Variants in TRPM3 observed in about 807,000 individuals in gnomAD.
TRPM3 encodes the protein transient receptor potential cation channel subfamily M member 3, also known as long transient receptor potential channel 3.
TRPM3 carries 77 observed loss-of-function variants against 181.2 expected under a neutral mutation model. The observed-to-expected ratio is 0.42, with a 90% CI of 0.35 to 0.51. The LOEUF (loss-of-function observed/expected upper bound fraction) is 0.51, where lower values mean the gene tolerates loss of function less well. Ranked by LOEUF, TRPM3 falls within the 20% of genes least tolerant of loss-of-function variation. The probability of loss-of-function intolerance (pLI) is 0.01; values close to 1 mark genes in which losing one functional copy is unlikely to be tolerated. For synonymous variants in TRPM3, 745 were observed against 796.4 expected (o/e 0.94, Z 1.09); for missense variants, 1,759 against 2,196.7 (o/e 0.80, Z 3.98).
intron 25 of TRPM3, among the ~76,000 whole-genome samples, chr9:70,545,410 T>C (rs1456628309): frequency 6.6e-6 from 1 of 152,200 alleles, no homozygotes; most frequent in Non-Finnish European, 1.5e-5. Flanking sequence ...TAGTAGATGA[T>C]CTGCTGGAAA....
chr9:71,336,573 A>C (rs2090570324), intron 1 of TRPM3, among the ~76,000 whole-genome samples: 1 of 152,172 alleles, frequency 6.6e-6, no homozygotes, highest in Non-Finnish European at 1.5e-5. Context: ...GCTACCACTG[A>C]CTTTCTTCAC....
intron 1 of TRPM3, among the ~76,000 whole-genome samples, chr9:71,058,840 G>T (rs1454097281): frequency 1.3e-5 from 2 of 151,856 alleles, no homozygotes; most frequent in East Asian, 3.9e-4. Flanking sequence ...CACCATGGTA[G>T]TCACTCAGAT....
intron 7 of TRPM3, among the ~76,000 whole-genome samples, chr9:70,763,129 C>T (rs2078450599): frequency 6.6e-6 from 1 of 152,020 alleles, no homozygotes; most frequent in Non-Finnish European, 1.5e-5. Flanking sequence ...AGGACTATAC[C>T]AACGATCCTG....
intron 1 of TRPM3, among the ~76,000 whole-genome samples, chr9:70,993,560 A>G (rs2097509894): frequency 6.6e-6 from 1 of 152,110 alleles, no homozygotes; most frequent in African/African-American, 2.4e-5. Flanking sequence ...AGTTTAAAAT[A>G]CCGATTAGCC....
intron 1 of TRPM3, among the ~76,000 whole-genome samples, chr9:71,336,583 C>A (rs1396501384): frequency 6.6e-6 from 1 of 152,120 alleles, no homozygotes; most frequent in Non-Finnish European, 1.5e-5. Context: ...ACTTTCTTCA[C>A]TGAATTAGAA....
At position 70,784,093 on chromosome 9, in the gene TRPM3, A is replaced by C. The variant is rs776452796; in HGVS notation, c.1148+12T>G. On this transcript the variant is annotated intron_variant, in intron 7 of 25. Transcript: ENST00000677713. ...TTTAGGGTTCTTCCATGGGGCCTGGAAAGTTACCTACCCGCCTTCTTCTGA... is the reference window on the plus strand; with the variant it reads ...TTTAGGGTTCTTCCATGGGGCCTGGCAAGTTACCTACCCGCCTTCTTCTGA... The C allele has an allele frequency of 6.2e-7, 1 of 1,610,878 alleles. No individual in the cohort carries two copies.
intron 25 of TRPM3, among the ~76,000 whole-genome samples, chr9:70,548,930 T>C (rs2045773877): frequency 6.6e-6 from 1 of 152,168 alleles, no homozygotes; most frequent in Non-Finnish European, 1.5e-5. Flanking sequence ...CTGCTGGCTA[T>C]ACTATTTGGC....
chr9:71,137,995 T>A (rs1565265923), intron 1 of TRPM3, among the ~76,000 whole-genome samples: 1 of 151,914 alleles, frequency 6.6e-6, no homozygotes, highest in Non-Finnish European at 1.5e-5. Flanking sequence ...GCGCCTGTAA[T>A]CCCAGCTACT....
chr9:70,769,068 T>G (rs2079693020), intron 7 of TRPM3, among the ~76,000 whole-genome samples: 2 of 152,198 alleles, frequency 1.3e-5, no homozygotes, highest in South Asian at 4.1e-4. Flanking sequence ...CTCCAGTCCA[T>G]TTCCCAGTGT....
At chr9:71,353,946 G>C (rs982212540) in intron 1 of TRPM3, among the ~76,000 whole-genome samples, 1 of 152,160 alleles carries the variant, frequency 6.6e-6, no homozygotes, top group Non-Finnish European at 1.5e-5. Context: ...TGGTGACAAA[G>C]CTTGGCCTAG....
intron 9 of TRPM3, among the ~76,000 whole-genome samples, chr9:70,666,904 T>G (rs2061922623): frequency 6.6e-6 from 1 of 152,188 alleles, no homozygotes; most frequent in African/African-American, 2.4e-5. Context: ...AATTATTCCC[T>G]TAATTTTGTA....
chr9:71,165,916 A>G (rs1045524759), intron 1 of TRPM3, among the ~76,000 whole-genome samples: 1 of 152,156 alleles, frequency 6.6e-6, no homozygotes, highest in Admixed American at 6.6e-5. Context: ...CCATTCGAAG[A>G]TAGAGTTGTC....
At chr9:70,812,124 C>A (rs938079110) in intron 6 of TRPM3, among the ~76,000 whole-genome samples, 6 of 152,192 alleles carry the variant, frequency 3.9e-5, no homozygotes, top group African/African-American at 1.4e-4. Flanking sequence ...ATGAACAGCT[C>A]TGCTCTGCCT....
At chr9:71,358,055 A>G (rs764404984) in intron 1 of TRPM3, among the ~76,000 whole-genome samples, 1 of 152,148 alleles carries the variant, frequency 6.6e-6, no homozygotes, top group Non-Finnish European at 1.5e-5. Context: ...TATTTATTGT[A>G]TTTTAAGAGA....
At chr9:71,281,754 T>G (rs2084723219) in intron 1 of TRPM3, among the ~76,000 whole-genome samples, 1 of 152,118 alleles carries the variant, frequency 6.6e-6, no homozygotes, top group Admixed American at 6.5e-5. Context: ...TCAACAATGG[T>G]AAGGTACTGT....
At chr9:71,441,957 G>A (rs184383208) in intron 1 of TRPM3, among the ~76,000 whole-genome samples, 3 of 152,148 alleles carry the variant, frequency 2.0e-5, no homozygotes, top group African/African-American at 4.8e-5. Flanking sequence ...AGACCTTAAA[G>A]AATTCGCTTT....
At chr9:71,082,972 T>C (rs1282104896) in intron 1 of TRPM3, among the ~76,000 whole-genome samples, 2 of 152,104 alleles carry the variant, frequency 1.3e-5, no homozygotes, top group Admixed American at 6.6e-5. Context: ...TAGAGATTGA[T>C]ATGGAGATTT....
chr9:70,894,537 C>A (rs1589599710), intron 1 of TRPM3, among the ~76,000 whole-genome samples: 1 of 152,140 alleles, frequency 6.6e-6, no homozygotes, highest in African/African-American at 2.4e-5. Flanking sequence ...TCTTGAGCAC[C>A]TACCATGTAC....
chr9:71,102,069 C>T (rs2068498135), intron 1 of TRPM3, among the ~76,000 whole-genome samples: 1 of 152,158 alleles, frequency 6.6e-6, no homozygotes, highest in South Asian at 2.1e-4. Context: ...CTTCTCCATA[C>T]CAAAGCAAAA....
Sources: allele counts gnomAD v4.1 joint callset (sites outside exome capture counted in the v4.1 genomes callset), GRCh38; gene constraint gnomAD v4.1.1; transcripts MANE v1.5; gene names NCBI Gene and HGNC (gene_info 2026-07-23, HGNC 2026-07-21).